The following WDPCP variants were observed in gnomAD, a reference collection of about 807,000 sequenced individuals.
The protein encoded by WDPCP is WD repeat-containing and planar cell polarity effector protein fritz homolog.
WDPCP carries 71 observed loss-of-function variants against 93.1 expected under a neutral mutation model. That is an observed-to-expected ratio of 0.76 (90% CI 0.63 to 0.93). The LOEUF is 0.93. WDPCP is among the 40% of genes least tolerant of loss of function. WDPCP has a pLI of 0.00. For synonymous variants in WDPCP, 315 were observed against 315.0 expected (o/e 1.00, Z 0.00); for missense variants, 844 against 887.4 (o/e 0.95, Z 0.62).
chr2:63,254,610 A>G (rs1276698961), intron 14 of WDPCP, among the ~76,000 whole-genome samples: 3 of 152,164 alleles, frequency 2.0e-5, no homozygotes, highest in African/African-American at 7.2e-5. Context: ...AGTTTCTTCC[A>G]ATGATAATAT....
intron 6 of WDPCP, among the ~76,000 whole-genome samples, chr2:63,446,889 C>T (rs773333508): frequency 2.6e-5 from 4 of 152,132 alleles, no homozygotes; most frequent in African/African-American, 4.8e-5. Flanking sequence ...ATAACTTATC[C>T]GTGAGGTAAT....
chr2:63,263,306 T>A (rs548647886), intron 13 of WDPCP, among the ~76,000 whole-genome samples: 22 of 152,354 alleles, frequency 1.4e-4, no homozygotes, highest in Non-Finnish European at 2.9e-4. Context: ...GAAACTTAAT[T>A]GCCAATGCAA....
intron 2 of WDPCP, among the ~76,000 whole-genome samples, chr2:63,660,552 T>C (rs1306248306): frequency 1.3e-5 from 2 of 152,204 alleles, no homozygotes; most frequent in Non-Finnish European, 2.9e-5. Context: ...CTCTGCTCTA[T>C]ATTGTTATTC....
chr2:63,138,087 T>C (rs1670769308), intron 17 of WDPCP, among the ~76,000 whole-genome samples: 1 of 146,078 alleles, frequency 6.8e-6, no homozygotes, highest in Non-Finnish European at 1.5e-5. Context: ...TTTTTTTTTT[T>C]TGGTGCACAT....
intron 9 of WDPCP, among the ~76,000 whole-genome samples, chr2:63,427,821 G>C (rs902978679): frequency 2.6e-5 from 4 of 152,092 alleles, no homozygotes; most frequent in African/African-American, 7.2e-5. Context: ...AAGATTAATA[G>C]AGTGCTAGCT....
At chr2:63,643,738 T>C (rs767378212) in intron 3 of WDPCP, 11 of 522,362 alleles carry the variant, frequency 2.1e-5, no homozygotes, top group Non-Finnish European at 3.9e-5. Context: ...CTTGGTGTCA[T>C]AGATCAGACG....
At chr2:63,313,465 A>G (rs995326932) in intron 12 of WDPCP, among the ~76,000 whole-genome samples, 154 bp from the exon 13 acceptor site, 2 of 152,196 alleles carry the variant, frequency 1.3e-5, no homozygotes, top group African/African-American at 4.8e-5. Context: ...AGGATCTTCC[A>G]TATGTGCAAA....
intron 1 of WDPCP, among the ~76,000 whole-genome samples, chr2:63,512,353 A>T (rs958043893): frequency 2.0e-5 from 3 of 152,224 alleles, no homozygotes; most frequent in Non-Finnish European, 2.9e-5. Flanking sequence ...AGGATCTAGA[A>T]CTAGAAATAC....
intron 2 of WDPCP, among the ~76,000 whole-genome samples, chr2:63,723,240 T>C (rs1481426994): frequency 6.7e-6 from 1 of 149,652 alleles, no homozygotes; most frequent in Non-Finnish European, 1.5e-5. Context: ...CCTATGACCC[T>C]GCCAAATCCC....
chr2:63,349,918 C>T (rs1336443008), intron 12 of WDPCP, among the ~76,000 whole-genome samples: 1 of 152,144 alleles, frequency 6.6e-6, no homozygotes, highest in African/African-American at 2.4e-5. Context: ...TTCCAGCCCT[C>T]CTTTTCTGAA....
intron 13 of WDPCP, among the ~76,000 whole-genome samples, chr2:63,279,941 C>A (rs1683394881): frequency 6.6e-6 from 1 of 152,056 alleles, no homozygotes; most frequent in Admixed American, 6.5e-5. Context: ...AAGACCTCCA[C>A]AAGGAAAACT....
intron 2 of WDPCP, among the ~76,000 whole-genome samples, chr2:63,806,367 G>A (rs775799364): frequency 9.9e-5 from 15 of 152,160 alleles, no homozygotes; most frequent in Non-Finnish European, 2.1e-4. Context: ...GGGAGTGTGC[G>A]AATAGGTGTG....
intron 3 of WDPCP, among the ~76,000 whole-genome samples, chr2:63,631,615 C>T (rs1709865889): frequency 6.6e-6 from 1 of 152,092 alleles, no homozygotes; most frequent in South Asian, 2.1e-4. Flanking sequence ...CTCAAATGTC[C>T]GTTTAAAAAC....
intron 2 of WDPCP, among the ~76,000 whole-genome samples, chr2:63,744,944 T>C (rs2103864824): frequency 6.6e-6 from 1 of 152,274 alleles, no homozygotes; most frequent in Admixed American, 6.5e-5. Flanking sequence ...AATCACGTCA[T>C]TGAACATTCC....
intron 14 of WDPCP, among the ~76,000 whole-genome samples, chr2:63,207,993 T>C (rs1268966820): frequency 1.3e-5 from 2 of 152,298 alleles, no homozygotes; most frequent in African/African-American, 4.8e-5. Context: ...CTTAGTCTTG[T>C]GATCCTTCTA....
intron 15 of WDPCP, among the ~76,000 whole-genome samples, chr2:63,163,418 T>C (rs965169141): frequency 6.6e-6 from 1 of 152,212 alleles, no homozygotes; most frequent in Non-Finnish European, 1.5e-5. Context: ...TCTGGTTTTA[T>C]AGGCAGCAAA....
chr2:63,719,914 T>C (rs1244562991), intron 2 of WDPCP, among the ~76,000 whole-genome samples: 2 of 152,170 alleles, frequency 1.3e-5, no homozygotes, highest in Middle Eastern at 3.2e-3. Flanking sequence ...TATGTTATAC[T>C]AGTATTTATA....
At chr2:63,364,012 C>G (rs549899949) in intron 12 of WDPCP, among the ~76,000 whole-genome samples, 12 of 152,254 alleles carry the variant, frequency 7.9e-5, no homozygotes, top group African/African-American at 2.6e-4. Flanking sequence ...TGAATAGCAA[C>G]TGCACTCCAC....
intron 14 of WDPCP, among the ~76,000 whole-genome samples, chr2:63,220,676 G>GTAC (rs1337727856): frequency 6.6e-6 from 1 of 152,100 alleles, no homozygotes; most frequent in Non-Finnish European, 1.5e-5. Context: ...AATGAATGTA[G>GTAC]TACATTATTA....
Sources: gnomAD v4.1 joint callset for allele counts (sites outside exome capture counted in the v4.1 genomes callset) on GRCh38, gnomAD v4.1.1 for gene constraint, MANE v1.5 for transcripts, NCBI Gene and HGNC (gene_info 2026-07-23, HGNC 2026-07-21) for gene names.